UBAP1L: variants seen among roughly 807,000 people sequenced by gnomAD.
UBAP1L encodes the protein ubiquitin-associated protein 1-like.
UBAP1L carries 32 observed loss-of-function variants against 32.1 expected under a neutral mutation model. That is an observed-to-expected ratio of 1.00 (90% confidence interval 0.75 to 1.34). The LOEUF (loss-of-function observed/expected upper bound fraction) is 1.34, where lower values mean the gene tolerates loss of function less well. Among genes scored for constraint, UBAP1L ranks in the 40% most tolerant of loss-of-function variants. The probability of loss-of-function intolerance (pLI) is 0.00; values close to 1 mark genes in which losing one functional copy is unlikely to be tolerated. For synonymous variants in UBAP1L, 243 were observed against 250.2 expected, an observed-to-expected ratio of 0.97 and a Z score of 0.27; for missense variants, 516 against 540.5, an observed-to-expected ratio of 0.95 and a Z score of 0.45.
At chr15:65,107,404 G>A (rs961884543) in intron 1 of UBAP1L, among the ~76,000 whole-genome samples, 1 of 151,312 alleles carries the variant, frequency 6.6e-6, no homozygotes, top group African/African-American at 2.4e-5. Context: ...AGTAAATCAT[G>A]TAAATGGACT....
At chr15:65,108,772 TAAATA>T (rs2087344986) in intron 1 of UBAP1L, among the ~76,000 whole-genome samples, 24 of 150,596 alleles carry the variant, frequency 1.6e-4, no homozygotes, top group African/African-American at 5.6e-4. Context: ...AATAAATAAA[TAAATA>T]AATTAAATTT....
intron 5 of UBAP1L, among the ~76,000 whole-genome samples, chr15:65,093,802 G>C (rs1319224623): frequency 6.6e-6 from 1 of 152,256 alleles, no homozygotes; most frequent in African/African-American, 2.4e-5. Context: ...CCAGCACTTT[G>C]GGAGGCCGAG....
Position 65,106,126 on chromosome 15 carries a change from C to T in UBAP1L, c.90G>A (p.Pro30=), listed in dbSNP as rs777728590. The T allele has an allele frequency of 6.4e-6, 10 of 1,550,980 alleles. No individual in the cohort carries two copies. The highest frequency in any genetic ancestry group is 3.3e-4 in the Middle Eastern group (2 of 5,986). ...EPLPGPELSV[P]ACGEVLLGSM... ...AACCCAGCAGAACTTCCCCGCAGGC[C>T]GGGACGCTGAGTTCTGGCCCAGGGA... The change falls in exon 2 of 6, where the codon CCG becomes CCA. Residue 30 remains proline, a synonymous_variant. Coordinates refer to ENST00000559089, the MANE Select transcript of UBAP1L (RefSeq NM_001163692.2).
rs1313727738 is a variant in UBAP1L, at chr15:65,094,250, G to T, written c.1011+225C>A. 2.0e-5 allele frequency among the ~76,000 whole-genome samples: 3 copies of T among 152,072 alleles called. No individual in the cohort carries two copies. Among genetic ancestry groups the T allele is most frequent in the African/African-American group, 7.2e-5 (3 of 41,390 alleles). ...CTGCTGCTCTCTGCCTCCTGTCCCC[G>T]TCCCACCTCTTCCTGATCTCCCTCT... On this transcript the variant is annotated intron_variant, in intron 5 of 5. Transcript: ENST00000559089. This position sits in a 1 kb window ranked among gnomAD's most constrained non-coding sequence, Gnocchi z 4.2.
Position 65,094,539 on chromosome 15 carries a change from C to A in UBAP1L, c.947G>T (p.Arg316Leu). ...SYLSACDRLL[R>L]QGYEEGLVDE... ...CACCAGGCCTTCCTCATATCCCTGA[C>A]GTAACAGGCGGTCACAGGCACTGAG... is the stretch of plus-strand genomic sequence containing the variant. The change falls in exon 5 of 6, where the codon CGT becomes CTT. Residue 316 changes from arginine (R) to leucine (L), a missense_variant. Arg to Leu is a moderately radical substitution (Grantham distance 102, BLOSUM62 -2). Transcript: ENST00000559089. This position sits in a 1 kb window ranked among gnomAD's most constrained non-coding sequence, Gnocchi z 4.2. 1 of 1,551,502 alleles carries A rather than the reference C, an allele frequency of 6.4e-7. No individual in the cohort carries two copies. The highest frequency in any genetic ancestry group is 1.2e-5 in the South Asian group (1 of 84,046).
At position 65,105,867 on chromosome 15, in the gene UBAP1L, T is replaced by C. The variant is rs1010091704; in HGVS notation, c.120+229A>G. ...ATGCAGTGGCACAATCTTGGTTCACTGCAACCTCCACCTCCTGGATTCAAA... is the reference window on the plus strand; with the variant it reads ...ATGCAGTGGCACAATCTTGGTTCACCGCAACCTCCACCTCCTGGATTCAAA... On this transcript the variant is annotated intron_variant, in intron 2 of 5. Transcript: ENST00000559089. 2.0e-5 allele frequency: 14 copies of C among 699,064 alleles called. No homozygotes were observed. The East Asian group carries it at 3.2e-4, about 16-fold the overall frequency. The allele number at this position is 699,064 out of a possible 1,614,324, so 43.3% of individuals were successfully genotyped here.
intron 3 of UBAP1L, chr15:65,100,244 C>CA (rs61017834): frequency 0.77 from 112,199 of 145,914 alleles, 43,497 homozygotes; most frequent in East Asian, 0.96. Flanking sequence ...AACTCTGTCT[C>CA]AAAAAAAAAA....
chr15:65,112,012 G>C lies in UBAP1L; in HGVS notation c.-174+3138C>G, dbSNP rs190226600. Reference sequence around the variant, plus strand: ...TAAAGATATCGATATTGCCTAGTTAGAAAGTATTCTAAAATGAGGGTCACC... The same window carrying C: ...TAAAGATATCGATATTGCCTAGTTACAAAGTATTCTAAAATGAGGGTCACC... On this transcript the variant is annotated intron_variant, in intron 1 of 5. Coordinates refer to ENST00000559089, the MANE Select transcript of UBAP1L (RefSeq NM_001163692.2). Among the ~76,000 whole-genome samples, 16 of 152,318 alleles carry C rather than the reference G, an allele frequency of 1.1e-4. No individual in the cohort carries two copies. The East Asian group carries it at 3.1e-3, about 29-fold the overall frequency.
intron 1 of UBAP1L, among the ~76,000 whole-genome samples, chr15:65,111,117 A>G (rs1038238831): frequency 6.6e-6 from 1 of 152,212 alleles, no homozygotes; most frequent in African/African-American, 2.4e-5. Context: ...GTCTCCCTGC[A>G]CAGCAGGAGG....
Position 65,102,018 on chromosome 15 carries a change from G to T in UBAP1L, c.699+88C>A. On this transcript the variant is annotated intron_variant, in intron 3 of 5. Transcript: ENST00000559089. This position sits in a 1 kb window ranked among gnomAD's most constrained non-coding sequence, Gnocchi z 5.0. ...GGATGCAGGAGCGCGTGGAGTAGGG[G>T]ACCGAGGCTGCGGGCTGGGCTGGAC... is the stretch of plus-strand genomic sequence containing the variant. 1 of 509,868 alleles carries T rather than the reference G, an allele frequency of 2.0e-6. No individual in the cohort carries two copies. The highest frequency in any genetic ancestry group is 4.2e-5 in the East Asian group (1 of 23,696). The allele number at this position is 509,868 out of a possible 1,614,324, so 31.6% of individuals were successfully genotyped here. A position where few individuals can be genotyped will look rare whatever the true frequency, so the allele number is the denominator to read the frequency against.
chr15:65,104,336 G>A (rs111875132), intron 2 of UBAP1L, among the ~76,000 whole-genome samples: 1 of 149,036 alleles, frequency 6.7e-6, no homozygotes, highest in African/African-American at 2.5e-5. Flanking sequence ...GAAGAGAAGA[G>A]AAGAAAAGAA....
chr15:65,108,719 C>A (rs2087343876), intron 1 of UBAP1L, among the ~76,000 whole-genome samples: 1 of 151,116 alleles, frequency 6.6e-6, no homozygotes, highest in Non-Finnish European at 1.5e-5. Context: ...CCAGGTTGCA[C>A]TCCAGCCTGG....
At position 65,094,312 on chromosome 15, in the gene UBAP1L, G is replaced by A. The variant is rs2087150326; in HGVS notation, c.1011+163C>T. On this transcript the variant is annotated intron_variant, in intron 5 of 5. Transcript: ENST00000559089. The surrounding 1 kb of genome is among the most constrained non-coding windows in gnomAD (Gnocchi z 4.2). ...CTTTGTCCCTGCTGTAGCTCCCTGGGCCATCTCCTCCTCAGAGCTGAGGAG... is the reference window on the plus strand; with the variant it reads ...CTTTGTCCCTGCTGTAGCTCCCTGGACCATCTCCTCCTCAGAGCTGAGGAG... Among the ~76,000 whole-genome samples the A allele has an allele frequency of 6.6e-6, 1 of 152,136 alleles. No homozygotes were observed. The highest frequency in any genetic ancestry group is 1.5e-5 in the Non-Finnish European group (1 of 68,018).
At position 65,094,639 on chromosome 15, in the gene UBAP1L, G is replaced by T. The variant is rs1595918058; in HGVS notation, c.910-63C>A. The T allele has an allele frequency of 1.6e-6, 2 of 1,245,656 alleles. No homozygotes were observed. The highest frequency in any genetic ancestry group is 1.5e-5 in the African/African-American group (1 of 67,096). 77.2% of individuals were successfully genotyped at this position (1,245,656 alleles called of 1,614,324 possible). A position where few individuals can be genotyped will look rare whatever the true frequency, so the allele number is the denominator to read the frequency against. On this transcript the variant is annotated intron_variant, in intron 4 of 5. Transcript: ENST00000559089. This position sits in a 1 kb window ranked among gnomAD's most constrained non-coding sequence, Gnocchi z 4.2. ...AGGAGCAGCCGGGGCAGCAGACAGGGCAGAGAGGCACTCCAAGGGCCTGAG... is the reference window on the plus strand; with the variant it reads ...AGGAGCAGCCGGGGCAGCAGACAGGTCAGAGAGGCACTCCAAGGGCCTGAG...
intron 3 of UBAP1L, chr15:65,100,632 A>AGCCCTGAACGTTTC (rs1244785098): frequency 6.6e-6 from 1 of 152,232 alleles, no homozygotes; most frequent in Non-Finnish European, 1.5e-5. Flanking sequence ...CCTCTCTGCC[A>AGCCCTGAACGTTTC]GCCCTGAACG....
chr15:65,093,288 A>C lies in UBAP1L; in HGVS notation c.1012-57T>G, dbSNP rs772982216. On this transcript the variant is annotated intron_variant, in intron 5 of 5. Transcript: ENST00000559089. ...GGCTCTGCTGGGCCTGGCCTCAGCCATGGGGAGCCCCAGCTCCAGTGCCTA... is the reference window on the plus strand; with the variant it reads ...GGCTCTGCTGGGCCTGGCCTCAGCCCTGGGGAGCCCCAGCTCCAGTGCCTA... 93 of 1,472,110 alleles carry C rather than the reference A, an allele frequency of 6.3e-5. 1 individual carries two copies. The highest frequency in any genetic ancestry group is 1.6e-5 in the Non-Finnish European group (18 of 1,114,986). 91.2% of individuals were successfully genotyped at this position (1,472,110 alleles called of 1,614,324 possible).
intron 2 of UBAP1L, chr15:65,105,826 C>G (rs556469752): frequency 5.3e-5 from 37 of 703,220 alleles, no homozygotes; most frequent in South Asian, 5.2e-4. Context: ...AAGTCTCACT[C>G]TGTCGCCAGG....
chr15:65,114,074 T>G (rs1414750305), intron 1 of UBAP1L, among the ~76,000 whole-genome samples: 1 of 151,870 alleles, frequency 6.6e-6, no homozygotes, highest in Non-Finnish European at 1.5e-5. Context: ...TTAATAGAGA[T>G]AGGGTTTCAC....
rs1282280305 is a variant in UBAP1L, at chr15:65,094,046, CAG to C, written c.1011+427_1011+428del. 5.3e-5 allele frequency among the ~76,000 whole-genome samples: 8 copies of C among 152,138 alleles called. No individual in the cohort carries two copies. The highest frequency in any genetic ancestry group is 3.3e-4 in the Admixed American group (5 of 15,276). ...TGGGCAATAGAGTGAGACTCAGTCT[CAG>C]AAAACAAGATGTGACTATTGGGCCT... On this transcript the variant is annotated intron_variant, in intron 5 of 5. Transcript: ENST00000559089. The surrounding 1 kb of genome is among the most constrained non-coding windows in gnomAD (Gnocchi z 4.2).
Sources: allele counts gnomAD v4.1 joint callset (sites outside exome capture counted in the v4.1 genomes callset), GRCh38; gene constraint gnomAD v4.1.1; non-coding constraint Gnocchi (gnomAD v3.1); transcripts MANE v1.5; gene names NCBI Gene and HGNC (gene_info 2026-07-23, HGNC 2026-07-21).